TNRC18: variants seen among roughly 807,000 people sequenced by gnomAD.
The protein encoded by TNRC18 is trinucleotide repeat containing 18, also known as trinucleotide repeat-containing gene 18 protein.
Under a neutral mutation model 226.7 loss-of-function variants are expected in TNRC18, and 69 were observed. That is an observed-to-expected ratio of 0.30 (90% CI 0.25 to 0.37). The LOEUF is 0.37. TNRC18 is among the 10% of genes least tolerant of loss of function. The probability of loss-of-function intolerance (pLI) is 1.00; values close to 1 mark genes in which losing one functional copy is unlikely to be tolerated. For missense variants in TNRC18, 4,754 were observed against 4,256.6 expected, an observed-to-expected ratio of 1.12 and a Z score of -3.25; for synonymous variants, 2,449 against 1,927.6, an observed-to-expected ratio of 1.27 and a Z score of -7.09.
chr7:5,334,453 C>T (rs1035985379), intron 18 of TNRC18, among the ~76,000 whole-genome samples: 2 of 126,932 alleles, frequency 1.6e-5, no homozygotes, highest in African/African-American at 2.9e-5. Flanking sequence ...CCCGCCACCA[C>T]GCCTGGCATT....
chr7:5,392,633 G>C (rs4724665), intron 3 of TNRC18, among the ~76,000 whole-genome samples: 1 of 151,744 alleles, frequency 6.6e-6, no homozygotes, highest in Non-Finnish European at 1.5e-5. Flanking sequence ...AAATAAATAA[G>C]TAAAATACAA....
rs1461883625 is a variant in TNRC18, at chr7:5,313,632, G to A, written c.7259C>T (p.Thr2420Ile). ...GATGAGGGGTGCTGGGGCCAGGGAG[G>A]TGGCAGGAGCTGGCAGCTCTGCAAA... ...EPFAELPAPA[T>I]SLAPAPLITM... Residue 2420 changes from threonine to isoleucine, a missense_variant, in exon 27 of 30, where the codon ACC becomes ATC. Coordinates refer to ENST00000430969, the MANE Select transcript of TNRC18 (RefSeq NM_001080495.3). The A allele has an allele frequency of 1.2e-6, 2 of 1,604,560 alleles. No individual in the cohort carries two copies. The highest frequency in any genetic ancestry group is 1.1e-5 in the South Asian group (1 of 90,152).
chr7:5,368,819 C>T (rs1009142895), intron 11 of TNRC18, among the ~76,000 whole-genome samples: 4 of 152,130 alleles, frequency 2.6e-5, no homozygotes, highest in Admixed American at 6.6e-5. Context: ...ATCTCTTCAA[C>T]GGGTGTTGCC....
rs141919160 is a variant in TNRC18, at chr7:5,410,247, G to A, written c.187+10813C>T. On this transcript the variant is annotated intron_variant, in intron 2 of 29. Transcript: ENST00000430969. ...AATCATTTGAACCCAAGAGGCAGAG[G>A]TTGCAATGAGCCAAGATCATGCCAC... Among the ~76,000 whole-genome samples the A allele has an allele frequency of 3.0e-3, 450 of 148,010 alleles. 6 individuals carry two copies. The highest frequency in any genetic ancestry group is 0.01 in the African/African-American group (417 of 40,076).
chr7:5,312,996 G>T lies in TNRC18; in HGVS notation c.7895C>A (p.Ser2632Tyr), dbSNP rs1311504178. 1 of 945,762 alleles carries T rather than the reference G, an allele frequency of 1.1e-6. No individual in the cohort carries two copies. The highest frequency in any genetic ancestry group is 1.6e-6 in the Non-Finnish European group (1 of 624,522). 58.6% of individuals were successfully genotyped at this position (945,762 alleles called of 1,614,324 possible). The change falls in exon 27 of 30, where the codon TCT becomes TAT. Residue 2632 changes from serine to tyrosine, a missense_variant. By Grantham distance (144) the Ser-to-Tyr change is moderately radical. Transcript: ENST00000430969. This position sits in a 1 kb window ranked among gnomAD's most constrained non-coding sequence, Gnocchi z 6.3. ...GGAGGAGGAAGAGGAGGAGGAGGAA[G>T]AGGAGGATGAGGAGGAGGAGGAGGA... ...SSSSSSSSSS[S>Y]SSSSSSSSSS...
intron 24 of TNRC18, among the ~76,000 whole-genome samples, chr7:5,319,774 T>C (rs1788166230): frequency 6.6e-6 from 1 of 152,170 alleles, no homozygotes; most frequent in Admixed American, 6.5e-5. Context: ...CCTCCCAAAG[T>C]GCTGGGATTA....
intron 18 of TNRC18, among the ~76,000 whole-genome samples, chr7:5,337,607 C>G (rs1432052500): frequency 6.6e-6 from 1 of 152,072 alleles, no homozygotes; most frequent in Non-Finnish European, 1.5e-5. Context: ...TGAAAAGCAA[C>G]AGAAATAATA....
chr7:5,328,113 G>A (rs1217359570), intron 19 of TNRC18, among the ~76,000 whole-genome samples: 2 of 152,154 alleles, frequency 1.3e-5, no homozygotes, highest in African/African-American at 4.8e-5. Flanking sequence ...AGCTACTCTG[G>A]AGGCTGAGAC....
chr7:5,383,190 G>A (rs574753538), intron 5 of TNRC18, among the ~76,000 whole-genome samples: 3 of 152,114 alleles, frequency 2.0e-5, no homozygotes, highest in East Asian at 1.9e-4. Flanking sequence ...GGCATGAGCC[G>A]CCGCATCTGG....
chr7:5,356,753 G>A (rs1264851273), intron 16 of TNRC18, among the ~76,000 whole-genome samples, 163 bp downstream of exon 16: 1 of 151,842 alleles, frequency 6.6e-6, no homozygotes, highest in Non-Finnish European at 1.5e-5. Flanking sequence ...CCCCACTTCC[G>A]GCTTGGAGGC....
intron 2 of TNRC18, among the ~76,000 whole-genome samples, chr7:5,404,929 C>T (rs1781363917): frequency 6.6e-6 from 1 of 151,880 alleles, no homozygotes; most frequent in South Asian, 2.1e-4. Context: ...GCCTGGACAA[C>T]ACGGTGAAAC....
intron 3 of TNRC18, among the ~76,000 whole-genome samples, chr7:5,393,234 G>A (rs1188103123): frequency 6.6e-6 from 1 of 152,232 alleles, no homozygotes; most frequent in African/African-American, 2.4e-5. Context: ...ATCTGCCTTG[G>A]CTGGTTAAAG....
At chr7:5,310,943 CGT>C (rs1356654648) in intron 27 of TNRC18, among the ~76,000 whole-genome samples, 6 of 151,430 alleles carry the variant, frequency 4.0e-5, no homozygotes, top group Non-Finnish European at 8.8e-5. Context: ...CGTGTGTGCA[CGT>C]GTTTGTGTGT....
Position 5,307,854 on chromosome 7 carries a change from A to T in TNRC18, c.*252T>A. 1.8e-6 allele frequency: 1 copy of T among 545,818 alleles called. No individual in the cohort carries two copies. 33.8% of individuals were successfully genotyped at this position (545,818 alleles called of 1,614,324 possible). ...GAAGGGCCGGTCCGGCCATACCCTG[A>T]TAGCTAAGAGGGGCCCCTGTCCTGG... On this transcript the variant is annotated 3_prime_UTR_variant, in exon 30 of 30. Transcript: ENST00000430969.
intron 17 of TNRC18, among the ~76,000 whole-genome samples, chr7:5,348,748 C>G (rs1791470514): frequency 6.6e-6 from 1 of 152,142 alleles, no homozygotes. Context: ...ATGGATGAAG[C>G]AGGCTGGAGA....
Position 5,313,812 on chromosome 7 carries a change from G to T in TNRC18, c.7079C>A (p.Thr2360Asn). ...EGNPTDEVPSTPLALEPSSTP... is the reference protein window; with the variant it reads ...EGNPTDEVPSNPLALEPSSTP... ...GCTGCTCGGCTCCAGGGCTAAGGGG[G>T]TACTGGGGACCTCGTCTGTTGGGTT... is the stretch of plus-strand genomic sequence containing the variant. The change falls in exon 27 of 30, where the codon ACC becomes AAC. Residue 2360 changes from threonine to asparagine, a missense_variant. By Grantham distance (65) the Thr-to-Asn change is moderately conservative. Transcript: ENST00000430969. 1.3e-6 allele frequency: 2 copies of T among 1,513,938 alleles called. No homozygotes were observed. The highest frequency in any genetic ancestry group is 1.8e-6 in the Non-Finnish European group (2 of 1,131,638). 93.8% of individuals were successfully genotyped at this position (1,513,938 alleles called of 1,614,324 possible).
rs1009512852 is a variant in TNRC18 at position 5,414,022 on chromosome 7, G to A, written c.187+7038C>T. 4.0e-5 allele frequency among the ~76,000 whole-genome samples: 6 copies of A among 151,628 alleles called. No individual in the cohort carries two copies. The East Asian group carries it at 1.2e-3, about 29-fold the overall frequency. On this transcript the variant is annotated intron_variant, in intron 2 of 29. Transcript: ENST00000430969. ...GGCTGGAGTGCAGTGGCACGATCTCGGCTCACTGCAACCTCCCAGGTTCAA... is the reference window on the plus strand; with the variant it reads ...GGCTGGAGTGCAGTGGCACGATCTCAGCTCACTGCAACCTCCCAGGTTCAA...
intron 2 of TNRC18, among the ~76,000 whole-genome samples, chr7:5,404,373 G>GA (rs954462988): frequency 1.4e-4 from 21 of 149,764 alleles, no homozygotes; most frequent in African/African-American, 4.2e-4. Flanking sequence ...TCCGTCTTGA[G>GA]AAAAAAAAAG....
At chr7:5,412,911 C>T (rs1474745323) in intron 2 of TNRC18, among the ~76,000 whole-genome samples, 1 of 152,198 alleles carries the variant, frequency 6.6e-6, no homozygotes, top group Non-Finnish European at 1.5e-5. Flanking sequence ...CCTGAAAAAA[C>T]CTCACATGCA....
Sources: gnomAD v4.1 joint callset for allele counts (sites outside exome capture counted in the v4.1 genomes callset) on GRCh38, gnomAD v4.1.1 for gene constraint, Gnocchi (gnomAD v3.1) non-coding constraint, MANE v1.5 for transcripts, NCBI Gene and HGNC (gene_info 2026-07-23, HGNC 2026-07-21) for gene names.